LRRC4C: variants seen among roughly 807,000 people sequenced by gnomAD.
The protein encoded by LRRC4C is leucine-rich repeat-containing protein 4C.
LRRC4C carries 5 observed loss-of-function variants against 33.6 expected under a neutral mutation model. That is an observed-to-expected ratio of 0.15 (90% CI 0.08 to 0.31). The LOEUF is 0.31. Ranked by LOEUF, LRRC4C falls within the 10% of genes least tolerant of loss-of-function variation. LRRC4C has a pLI of 1.00. For missense variants in LRRC4C, 560 were observed against 796.7 expected (o/e 0.70, Z 3.58); for synonymous variants, 329 against 302.0 (o/e 1.09, Z -0.93).
In LRRC4C at chr11:41,191,295, C is replaced by T. The variant is rs1036297511; in HGVS notation, c.-495-257572G>A. ...ATAATCTACATCAAGTGTCAGGAGC[C>T]TGCTGTGGACTCTCTACTTTATTTA... On this transcript the variant is annotated intron_variant, in intron 1 of 6. Coordinates refer to ENST00000528697, the MANE Select transcript of LRRC4C (RefSeq NM_001258419.2). Among the ~76,000 whole-genome samples, 3 of 152,264 alleles carry T rather than the reference C, an allele frequency of 2.0e-5. No individual in the cohort carries two copies. In the East Asian group the frequency reaches 5.8e-4, roughly 29 times the overall value.
chr11:41,431,221 A>G (rs1204144704), intron 1 of LRRC4C, among the ~76,000 whole-genome samples: 1 of 152,148 alleles, frequency 6.6e-6, no homozygotes, highest in African/African-American at 2.4e-5. Context: ...GGTACTATTG[A>G]AACACTAAGG....
intron 3 of LRRC4C, among the ~76,000 whole-genome samples, chr11:40,621,275 G>A (rs1565568492): frequency 6.6e-6 from 1 of 151,134 alleles, no homozygotes; most frequent in Non-Finnish European, 1.5e-5. Flanking sequence ...GAAAATAATG[G>A]GAACATTTTT....
chr11:40,654,014 G>T (rs537370449), intron 2 of LRRC4C, among the ~76,000 whole-genome samples: 35 of 152,314 alleles, frequency 2.3e-4, no homozygotes, highest in African/African-American at 8.2e-4. Flanking sequence ...CTGTGGTATT[G>T]ATCCTGAGGG....
At chr11:40,366,792 A>T (rs1186441831) in intron 3 of LRRC4C, among the ~76,000 whole-genome samples, 1 of 152,094 alleles carries the variant, frequency 6.6e-6, no homozygotes, top group Non-Finnish European at 1.5e-5. Flanking sequence ...TTTCATTTAA[A>T]GTGCAAATAC....
intron 2 of LRRC4C, among the ~76,000 whole-genome samples, chr11:40,680,440 G>A (rs918378558): frequency 6.6e-5 from 10 of 152,130 alleles, no homozygotes; most frequent in African/African-American, 7.2e-5. Flanking sequence ...GTTTGGCTCT[G>A]TGTCCCCACC....
At chr11:41,342,927 C>A (rs990565287) in intron 1 of LRRC4C, among the ~76,000 whole-genome samples, 4 of 152,198 alleles carry the variant, frequency 2.6e-5, no homozygotes, top group South Asian at 2.1e-4. Flanking sequence ...ACTTTCAAGT[C>A]TCTATATGAG....
intron 5 of LRRC4C, among the ~76,000 whole-genome samples, chr11:40,147,431 C>G (rs1054705992): frequency 2.6e-5 from 4 of 152,088 alleles, no homozygotes; most frequent in African/African-American, 7.2e-5. Flanking sequence ...AACTAAGAAC[C>G]TGGCTTGCTG....
chr11:41,014,885 G>A (rs1262993760), intron 1 of LRRC4C, among the ~76,000 whole-genome samples: 3 of 151,754 alleles, frequency 2.0e-5, no homozygotes, highest in East Asian at 3.9e-4. Flanking sequence ...GAGGAAACTC[G>A]GATGTAGACA....
At chr11:40,162,268 T>C (rs556188385) in intron 5 of LRRC4C, among the ~76,000 whole-genome samples, 2 of 152,274 alleles carry the variant, frequency 1.3e-5, no homozygotes, top group East Asian at 1.9e-4. Flanking sequence ...CATTAGCTCA[T>C]AGGCATCACA....
intron 2 of LRRC4C, among the ~76,000 whole-genome samples, chr11:40,804,557 G>A (rs1281569278): frequency 1.3e-5 from 2 of 152,154 alleles, no homozygotes; most frequent in African/African-American, 2.4e-5. Flanking sequence ...TGTGGAAACA[G>A]AGGAAAATGC....
intron 2 of LRRC4C, among the ~76,000 whole-genome samples, chr11:40,822,862 G>T (rs1327758364): frequency 6.6e-6 from 1 of 151,692 alleles, no homozygotes; most frequent in African/African-American, 2.4e-5. Flanking sequence ...GTGAGAGATA[G>T]GGGTTTAGTT....
intron 3 of LRRC4C, among the ~76,000 whole-genome samples, chr11:40,461,109 A>C (rs550443562): frequency 6.6e-6 from 1 of 152,314 alleles, no homozygotes; most frequent in South Asian, 2.1e-4. Flanking sequence ...AACAAAACAG[A>C]CAAAAAATCT....
intron 3 of LRRC4C, among the ~76,000 whole-genome samples, chr11:40,333,053 T>C (rs888971877): frequency 1.3e-5 from 2 of 152,210 alleles, no homozygotes; most frequent in Non-Finnish European, 2.9e-5. Flanking sequence ...GACCCATGCA[T>C]GTGTCTGAAA....
intron 3 of LRRC4C, among the ~76,000 whole-genome samples, chr11:40,545,439 T>C (rs1956875162): frequency 6.6e-6 from 1 of 152,002 alleles, no homozygotes; most frequent in Admixed American, 6.6e-5. Context: ...TATAAAAATA[T>C]AATACATTTT....
intron 3 of LRRC4C, among the ~76,000 whole-genome samples, chr11:40,508,526 T>C (rs1440110): frequency 0.34 from 51,484 of 151,976 alleles, 10,528 homozygotes; most frequent in East Asian, 0.66. Context: ...ATTTAGCTCA[T>C]GTACTCACCA....
chr11:40,623,177 T>TG (rs1413098955), intron 3 of LRRC4C, among the ~76,000 whole-genome samples: 16 of 151,814 alleles, frequency 1.1e-4, no homozygotes, highest in Non-Finnish European at 2.2e-4. Flanking sequence ...TAAAATGAGT[T>TG]GGAAAAGATG....
At chr11:41,316,172 A>G (rs1950779779) in intron 1 of LRRC4C, among the ~76,000 whole-genome samples, 1 of 147,850 alleles carries the variant, frequency 6.8e-6, no homozygotes, top group African/African-American at 2.5e-5. Flanking sequence ...TACAATGAGA[A>G]TGATGTGCTC....
At chr11:40,978,880 C>T (rs1342472723) in intron 1 of LRRC4C, among the ~76,000 whole-genome samples, 2 of 152,096 alleles carry the variant, frequency 1.3e-5, no homozygotes, top group Non-Finnish European at 2.9e-5. Flanking sequence ...GATCCGCCCA[C>T]CTCGGCCTCC....
intron 1 of LRRC4C, among the ~76,000 whole-genome samples, chr11:41,123,992 A>G (rs146121015): frequency 7.6e-4 from 115 of 152,298 alleles, no homozygotes; most frequent in African/African-American, 2.7e-3. Flanking sequence ...ATACTTAGGC[A>G]ATTGATTTTT....
Sources: gnomAD v4.1 joint callset for allele counts (sites outside exome capture counted in the v4.1 genomes callset) on GRCh38, gnomAD v4.1.1 for gene constraint, MANE v1.5 for transcripts, NCBI Gene and HGNC (gene_info 2026-07-23, HGNC 2026-07-21) for gene names.